The following HNF1A variants were observed in gnomAD, a reference collection of about 807,000 sequenced individuals.
HNF1A encodes the protein HNF1 homeobox A.
In HNF1A, 21 loss-of-function variants were observed where a neutral mutation model predicts 62.2. The ratio of observed to expected loss-of-function variants is 0.34; its 90% confidence interval spans 0.24 to 0.49. The LOEUF is 0.49. HNF1A is among the 20% of genes least tolerant of loss of function. HNF1A has a pLI of 0.99. For missense variants in HNF1A, 687 were observed against 832.3 expected (o/e 0.83, Z 2.15); for synonymous variants, 374 against 366.8 (o/e 1.02, Z -0.22).
chr12:120,989,881 A>G (rs1191593334), intron 2 of HNF1A, among the ~76,000 whole-genome samples: 2 of 152,006 alleles, frequency 1.3e-5, no homozygotes, highest in Non-Finnish European at 2.9e-5. Flanking sequence ...TTGAATTTTG[A>G]CCCATGGAGA....
In HNF1A at chr12:120,995,021, A is replaced by G. The variant is rs943911010; in HGVS notation, c.955+616A>G. On this transcript the variant is annotated intron_variant, in intron 4 of 9. Transcript: ENST00000257555. ...CACTGTACTCCATCTACTACATTCA[A>G]CTCTACTCCATCCACTCCCCTCCAT... is the stretch of plus-strand genomic sequence containing the variant. Among the ~76,000 whole-genome samples the G allele has an allele frequency of 6.4e-5, 9 of 139,706 alleles. No individual in the cohort carries two copies. The East Asian group carries it at 1.9e-3, about 30-fold the overall frequency. 91.7% of individuals were successfully genotyped at this position (139,706 alleles called of 152,430 possible).
In HNF1A at chr12:120,997,627, C is replaced by T; in HGVS notation, c.1463C>T (p.Pro488Leu). ...PPVQSHVTQS[P>L]FMATMAQLQS... ...GTGCAGAGCCATGTGACCCAGAGCC[C>T]CTTCATGGCCACCATGGCTCAGCTG... The change falls in exon 7 of 10, where the codon CCC becomes CTC. Residue 488 changes from proline to leucine, a missense_variant. By Grantham distance (98) the Pro-to-Leu change is moderately conservative. Around this residue, in one of 5 missense-constraint regions of HNF1A, gnomAD observed 408 missense variants for 455.3 expected, o/e 0.90. Coordinates refer to ENST00000257555, the MANE Select transcript of HNF1A (RefSeq NM_000545.8). The T allele has an allele frequency of 6.2e-7, 1 of 1,613,302 alleles. No individual in the cohort carries two copies. The highest frequency in any genetic ancestry group is 8.5e-7 in the Non-Finnish European group (1 of 1,179,750).
intron 2 of HNF1A, among the ~76,000 whole-genome samples, chr12:120,991,640 TATGC>T (rs1305324726): frequency 3.6e-5 from 5 of 140,162 alleles, no homozygotes; most frequent in African/African-American, 5.4e-5. Flanking sequence ...TGTATGTATG[TATGC>T]ATGCATGCAT....
At chr12:120,988,787 G>A (rs201087960) in intron 1 of HNF1A, 46 bp from the exon 2 acceptor site, 1 of 1,587,332 alleles carries the variant, frequency 6.3e-7, no homozygotes, top group African/African-American at 1.3e-5. Context: ...CACCTATGGG[G>A]AGAGACAGCC....
At chr12:120,992,062 A>G (rs1350286959) in intron 2 of HNF1A, among the ~76,000 whole-genome samples, 1 of 152,230 alleles carries the variant, frequency 6.6e-6, no homozygotes, top group African/African-American at 2.4e-5. Context: ...TGACTGTAGT[A>G]TTAGGACTCT....
chr12:120,995,478 C>T (rs531238223), intron 4 of HNF1A, among the ~76,000 whole-genome samples: 4 of 152,162 alleles, frequency 2.6e-5, no homozygotes, highest in Admixed American at 2.6e-4. Context: ...ACTCCATTCA[C>T]TCCACATGAC....
rs1331665131 is a variant in HNF1A at position 121,002,316 on chromosome 12, G to C, written c.*1124G>C. 2 of 448,032 alleles carry C rather than the reference G, an allele frequency of 4.5e-6. No individual in the cohort carries two copies. The highest frequency in any genetic ancestry group is 8.5e-6 in the Non-Finnish European group (2 of 236,016). The allele number at this position is 448,032 out of a possible 1,614,324, so 27.8% of individuals were successfully genotyped here. Reference sequence around the variant, plus strand: ...GAGCACTGCCAGGAGGGACAAAGGAGCCTGTGAACCCAGGACAAGCATGGT... The same window carrying C: ...GAGCACTGCCAGGAGGGACAAAGGACCCTGTGAACCCAGGACAAGCATGGT... On this transcript the variant is annotated 3_prime_UTR_variant, in exon 10 of 10. Coordinates refer to ENST00000257555, the MANE Select transcript of HNF1A (RefSeq NM_000545.8).
intron 2 of HNF1A, among the ~76,000 whole-genome samples, chr12:120,990,748 CA>C (rs1188613420): frequency 6.6e-6 from 1 of 151,588 alleles, no homozygotes; most frequent in East Asian, 1.9e-4. Context: ...AGGCAATACA[CA>C]TTTGGTTAAA....
At position 120,996,140 on chromosome 12, in the gene HNF1A, G is replaced by A. The variant is rs1877084763; in HGVS notation, c.956-122G>A. Reference sequence around the variant, plus strand: ...AGAAACAAAGGCAGATTTGCTGGCTGCATAAAGGCAGACAGGCAGCTGGCC... The same window carrying A: ...AGAAACAAAGGCAGATTTGCTGGCTACATAAAGGCAGACAGGCAGCTGGCC... On this transcript the variant is annotated intron_variant, in intron 4 of 9. Coordinates refer to ENST00000257555, the MANE Select transcript of HNF1A (RefSeq NM_000545.8). The surrounding 1 kb of genome is among the most constrained non-coding windows in gnomAD (Gnocchi z 4.5). 2 of 1,193,436 alleles carry A rather than the reference G, an allele frequency of 1.7e-6. No homozygotes were observed. Among genetic ancestry groups the A allele is most frequent in the Non-Finnish European group, 2.4e-6 (2 of 823,532 alleles). The allele number at this position is 1,193,436 out of a possible 1,614,324, so 73.9% of individuals were successfully genotyped here. A position where few individuals can be genotyped will look rare whatever the true frequency, so the allele number is the denominator to read the frequency against.
At chr12:120,980,039 C>G (rs1255002082) in intron 1 of HNF1A, among the ~76,000 whole-genome samples, 1 of 152,118 alleles carries the variant, frequency 6.6e-6, no homozygotes, top group Admixed American at 6.5e-5. Context: ...GACCTCCACC[C>G]TACAGCGCCT....
chr12:120,996,772 G>A lies in HNF1A; in HGVS notation c.1309+30G>A, dbSNP rs1593061135. The A allele has an allele frequency of 6.2e-7, 1 of 1,611,354 alleles. No individual in the cohort carries two copies. Among genetic ancestry groups the A allele is most frequent in the Non-Finnish European group, 8.5e-7 (1 of 1,178,854 alleles). On this transcript the variant is annotated intron_variant, in intron 6 of 9. Transcript: ENST00000257555. The surrounding 1 kb of genome is among the most constrained non-coding windows in gnomAD (Gnocchi z 4.5). ...GCTGGTGGGGATGGGTGGGCACCTG[G>A]GTGGGAGGCTCATGGGGCAACCGCA...
intron 7 of HNF1A, among the ~76,000 whole-genome samples, chr12:120,999,026 T>C (rs1411594600): frequency 1.3e-5 from 2 of 152,056 alleles, no homozygotes; most frequent in Non-Finnish European, 2.9e-5. Context: ...GGAGCTGGAG[T>C]TGGTTTCTGG....
At chr12:120,992,298 C>T (rs1176120667) in intron 2 of HNF1A, among the ~76,000 whole-genome samples, 1 of 152,222 alleles carries the variant, frequency 6.6e-6, no homozygotes, top group Admixed American at 6.5e-5. Context: ...CCCTGGGCTG[C>T]CATCCTACCA....
In HNF1A at chr12:120,994,343, C is replaced by T. The variant is rs772765008; in HGVS notation, c.893C>T (p.Ala298Val). Residue 298 changes from alanine (A) to valine (V), a missense_variant, in exon 4 of 10, where the codon GCG (alanine) becomes GTG (valine). Physicochemically the swap from Ala to Val is moderately conservative, Grantham distance 64. This residue lies in a region of HNF1A where 408 missense variants were observed against 455.3 expected (regional missense o/e 0.90). Transcript: ENST00000257555. ...GPPPGPGPGP[A>V]LPAHSSPGLP... The stretch of plus-strand genomic sequence containing the variant: ...CCCCCAGGGCCAGGCCCGGGACCTG[C>T]GCTGCCCGCTCACAGCTCCCCTGGC... 16 of 1,602,948 alleles carry T rather than the reference C, an allele frequency of 1.0e-5. No homozygotes were observed. Among genetic ancestry groups the T allele is most frequent in the Admixed American group, 1.7e-5 (1 of 57,902 alleles).
rs1877108588 is a variant in HNF1A, at chr12:120,996,522, G to A, written c.1108-19G>A. The A allele has an allele frequency of 8.1e-6, 13 of 1,613,264 alleles. No homozygotes were observed. The East Asian group carries it at 2.9e-4, about 36-fold the overall frequency. The stretch of plus-strand genomic sequence containing the variant: ...TGGGGACCCCGGCCCCCCGGACACA[G>A]CTTGGCTTCCCCTCGTAGGTCTCAG... On this transcript the variant is annotated intron_variant, in intron 5 of 9. Transcript: ENST00000257555. The surrounding 1 kb of genome is among the most constrained non-coding windows in gnomAD (Gnocchi z 4.5).
intron 2 of HNF1A, among the ~76,000 whole-genome samples, chr12:120,990,711 AAG>A (rs1203272541): frequency 2.6e-5 from 4 of 152,118 alleles, no homozygotes; most frequent in Non-Finnish European, 5.9e-5. Context: ...AAAGAAAAGA[AAG>A]AAAAAGAACG....
intron 1 of HNF1A, among the ~76,000 whole-genome samples, chr12:120,985,945 A>AC (rs1876488512): frequency 6.6e-6 from 1 of 151,908 alleles, no homozygotes; most frequent in Non-Finnish European, 1.5e-5. Context: ...AGCTCGCGCC[A>AC]CTGCACTCCA....
In HNF1A at chr12:120,989,020, G is replaced by C. The variant is rs1041132609; in HGVS notation, c.514G>C (p.Glu172Gln). The change falls in exon 2 of 10, where the codon GAG becomes CAG. Residue 172 changes from glutamate to glutamine, a missense_variant. Glu to Gln is a conservative substitution (Grantham distance 29). Around this residue, in one of 5 missense-constraint regions of HNF1A, gnomAD observed 47 missense variants for 52.5 expected, o/e 0.90. Coordinates refer to ENST00000257555, the MANE Select transcript of HNF1A (RefSeq NM_000545.8). ...CACCTGGTACGTCCGCAAGCAGCGA[G>C]AGGTGGCGCAGCGTAAGTAATGACC... The part of the protein sequence containing the change: ...LYTWYVRKQR[E>Q]VAQQFTHAGQ... 1 of 1,614,210 alleles carries C rather than the reference G, an allele frequency of 6.2e-7. No homozygotes were observed. The highest frequency in any genetic ancestry group is 1.3e-5 in the African/African-American group (1 of 75,060).
intron 4 of HNF1A, among the ~76,000 whole-genome samples, chr12:120,994,966 C>T (rs1419711008): frequency 6.6e-6 from 1 of 150,450 alleles, no homozygotes; most frequent in Non-Finnish European, 1.5e-5. Flanking sequence ...CCAACTTCAT[C>T]CCATCCAGTA....
Sources: gnomAD v4.1 joint callset for allele counts (sites outside exome capture counted in the v4.1 genomes callset) on GRCh38, gnomAD v4.1.1 for gene constraint, gnomAD v4.1.1 regional missense constraint, Gnocchi (gnomAD v3.1) non-coding constraint, MANE v1.5 for transcripts, NCBI Gene and HGNC (gene_info 2026-07-23, HGNC 2026-07-21) for gene names.